The following LUZP2 variants were observed in gnomAD, a reference collection of about 807,000 sequenced individuals.
LUZP2 encodes leucine zipper protein 2.
LUZP2 carries 52 observed loss-of-function variants against 51.6 expected under a neutral mutation model. That is an observed-to-expected ratio of 1.01 (90% CI 0.81 to 1.27). The LOEUF (loss-of-function observed/expected upper bound fraction) is 1.27, where lower values mean the gene tolerates loss of function less well. Among genes scored for constraint, LUZP2 ranks in the 50% most tolerant of loss-of-function variants. The pLI, the probability that LUZP2 is intolerant of heterozygous loss-of-function variation, is 0.00. For synonymous variants in LUZP2, 154 were observed against 137.3 expected, an observed-to-expected ratio of 1.12 and a Z score of -0.85; for missense variants, 436 against 395.4, an observed-to-expected ratio of 1.10 and a Z score of -0.87.
chr11:24,626,958 T>C (rs1251486763), intron 1 of LUZP2, among the ~76,000 whole-genome samples: 1 of 152,164 alleles, frequency 6.6e-6, no homozygotes, highest in Non-Finnish European at 1.5e-5. Context: ...TTCATTATAT[T>C]AGGGATCTGC....
intron 1 of LUZP2, among the ~76,000 whole-genome samples, chr11:24,548,375 C>G (rs1010164723): frequency 2.6e-5 from 4 of 151,836 alleles, no homozygotes; most frequent in African/African-American, 9.7e-5. Context: ...CAGCCAGCAA[C>G]AAAAAATGAG....
chr11:24,912,845 A>G (rs1412755962), intron 6 of LUZP2, among the ~76,000 whole-genome samples: 1 of 152,162 alleles, frequency 6.6e-6, no homozygotes, highest in Non-Finnish European at 1.5e-5. Context: ...AGAAAACTGA[A>G]TCACAATAAA....
At chr11:24,998,839 C>G (rs1304430673) in intron 9 of LUZP2, among the ~76,000 whole-genome samples, 1 of 151,972 alleles carries the variant, frequency 6.6e-6, no homozygotes. Flanking sequence ...GTTTCTTTCT[C>G]TCAGGGATCA....
In LUZP2 at chr11:24,690,797, A is replaced by G. The variant is rs565780791; in HGVS notation, c.63-38372A>G. 1.6e-3 allele frequency among the ~76,000 whole-genome samples: 247 copies of G among 152,204 alleles called. 1 individual carries two copies. Among genetic ancestry groups the G allele is most frequent in the Non-Finnish European group, 2.6e-3 (178 of 67,976 alleles). On this transcript the variant is annotated intron_variant, in intron 1 of 11. Transcript: ENST00000336930. Reference sequence around the variant, plus strand: ...TTGGAAGGTACAGGCTAGTAGACTAAACAGGAACTGAACATGTTCTAGATG... The same window carrying G: ...TTGGAAGGTACAGGCTAGTAGACTAGACAGGAACTGAACATGTTCTAGATG...
At chr11:24,909,043 G>A (rs865850683) in intron 6 of LUZP2, among the ~76,000 whole-genome samples, 1 of 151,892 alleles carries the variant, frequency 6.6e-6, no homozygotes, top group Non-Finnish European at 1.5e-5. Context: ...TTACAGGCAT[G>A]AGCCACCGCA....
chr11:25,068,991 T>C (rs1162621430), intron 10 of LUZP2, among the ~76,000 whole-genome samples: 2 of 152,034 alleles, frequency 1.3e-5, no homozygotes, highest in African/African-American at 2.4e-5. Context: ...CCATGAGTGA[T>C]ATTTTTCTTC....
intron 4 of LUZP2, among the ~76,000 whole-genome samples, chr11:24,746,089 T>G (rs1451256501): frequency 6.6e-6 from 1 of 152,200 alleles, no homozygotes; most frequent in Non-Finnish European, 1.5e-5. Context: ...TGCTGTTATG[T>G]ACTTGGTGTT....
At chr11:24,513,412 T>G (rs1358443044) in intron 1 of LUZP2, among the ~76,000 whole-genome samples, 4 of 152,000 alleles carry the variant, frequency 2.6e-5, no homozygotes, top group African/African-American at 9.7e-5. Flanking sequence ...ACAATCAGCA[T>G]CAAGAGAACG....
chr11:24,785,395 A>T (rs1313864609), intron 5 of LUZP2, among the ~76,000 whole-genome samples: 1 of 152,084 alleles, frequency 6.6e-6, no homozygotes, highest in Non-Finnish European at 1.5e-5. Context: ...AAGGTATGCC[A>T]TCTTCAATTG....
At chr11:25,070,282 A>G (rs915691676) in intron 10 of LUZP2, among the ~76,000 whole-genome samples, 2 of 152,006 alleles carry the variant, frequency 1.3e-5, no homozygotes, top group African/African-American at 4.8e-5. Context: ...ACCATCCCCC[A>G]GAAGTGTATT....
At chr11:24,730,939 A>AC (rs1565103953) in intron 2 of LUZP2, among the ~76,000 whole-genome samples, 10 of 151,774 alleles carry the variant, frequency 6.6e-5, no homozygotes, top group Admixed American at 2.0e-4. Context: ...GTGCCAGGTC[A>AC]TAAGACCATG....
intron 1 of LUZP2, among the ~76,000 whole-genome samples, chr11:24,688,593 T>C (rs1856968702): frequency 6.6e-6 from 1 of 152,140 alleles, no homozygotes; most frequent in Non-Finnish European, 1.5e-5. Flanking sequence ...TTTTATTCAC[T>C]TTTTGATGGA....
chr11:25,041,895 G>A (rs1037376775), intron 9 of LUZP2, among the ~76,000 whole-genome samples: 1 of 152,170 alleles, frequency 6.6e-6, no homozygotes, highest in Admixed American at 6.5e-5. Flanking sequence ...ATTCTCATAG[G>A]AGGGGAACCC....
In LUZP2 at chr11:24,983,275, T is replaced by A; in HGVS notation, c.747T>A (p.Asp249Glu). 1 of 1,611,818 alleles carries A rather than the reference T, an allele frequency of 6.2e-7. No individual in the cohort carries two copies. Among genetic ancestry groups the A allele is most frequent in the Non-Finnish European group, 8.5e-7 (1 of 1,178,604 alleles). The change falls in exon 9 of 12, where the codon GAT (aspartate) becomes GAA (glutamate). Residue 249 changes from aspartate (D) to glutamate (E), a missense_variant. Asp to Glu is a conservative substitution (Grantham distance 45). Transcript: ENST00000336930. ...PPRNIASKLP[D>E]AAAKSKPQQS... is the part of the protein sequence containing the mutation. ...GGAATATTGCCTCTAAGCTTCCAGA[T>A]GCAGCGGCCAAAAGCAAGGTACCTA...
rs563858281 is a variant in LUZP2 at position 24,609,621 on chromosome 11, T to C, written c.62+112316T>C. 2.0e-5 allele frequency among the ~76,000 whole-genome samples: 3 copies of C among 148,684 alleles called. No homozygotes were observed. In the South Asian group the frequency reaches 6.3e-4, roughly 31 times the overall value. ...GGCATGTGCCTGTAATCCCAGCTAC[T>C]CGGAAGGCTGAGGCACAAGAATCAC... is the stretch of plus-strand genomic sequence containing the variant. On this transcript the variant is annotated intron_variant, in intron 1 of 11. Coordinates refer to ENST00000336930, the MANE Select transcript of LUZP2 (RefSeq NM_001009909.4).
chr11:24,776,833 G>T (rs1488432985), intron 5 of LUZP2, among the ~76,000 whole-genome samples: 1 of 152,058 alleles, frequency 6.6e-6, no homozygotes, highest in Non-Finnish European at 1.5e-5. Context: ...TGGAAGAACT[G>T]CTTTGTTTCC....
At chr11:24,880,415 T>A (rs1852422626) in intron 5 of LUZP2, among the ~76,000 whole-genome samples, 2 of 152,230 alleles carry the variant, frequency 1.3e-5, no homozygotes, top group Admixed American at 1.3e-4. Context: ...GTACTGTGAA[T>A]GCTCACTTGA....
chr11:24,777,239 C>T (rs1479543704), intron 5 of LUZP2, among the ~76,000 whole-genome samples: 5 of 151,912 alleles, frequency 3.3e-5, no homozygotes, highest in Admixed American at 1.3e-4. Flanking sequence ...GTGATCTGCC[C>T]GCCTCGGCCT....
chr11:24,729,607 A>T (rs938074049), intron 2 of LUZP2, among the ~76,000 whole-genome samples: 1 of 151,924 alleles, frequency 6.6e-6, no homozygotes, highest in Non-Finnish European at 1.5e-5. Context: ...AAATATAGGA[A>T]TGACTCCTAG....
Sources: gnomAD v4.1 joint callset for allele counts (sites outside exome capture counted in the v4.1 genomes callset) on GRCh38, gnomAD v4.1.1 for gene constraint, MANE v1.5 for transcripts, NCBI Gene and HGNC (gene_info 2026-07-23, HGNC 2026-07-21) for gene names.